TTC28: variants seen among roughly 807,000 people sequenced by gnomAD.
The protein encoded by TTC28 is tetratricopeptide repeat domain 28.
Under a neutral mutation model 198.0 loss-of-function variants are expected in TTC28, and 61 were observed. That is an observed-to-expected ratio of 0.31 (90% CI 0.25 to 0.38). The LOEUF (loss-of-function observed/expected upper bound fraction) is 0.38. Ranked by LOEUF, TTC28 falls within the 10% of genes least tolerant of loss-of-function variation. The pLI is 1.00. For missense variants in TTC28, 2,678 were observed against 3,164.0 expected (o/e 0.85, Z 3.69); for synonymous variants, 1,171 against 1,297.8 (o/e 0.90, Z 2.10).
intron 5 of TTC28, among the ~76,000 whole-genome samples, chr22:28,281,372 A>G (rs974820215): frequency 3.3e-5 from 5 of 150,082 alleles, no homozygotes; most frequent in African/African-American, 1.2e-4. Flanking sequence ...TGTCATCTCT[A>G]ATGTTTTATT....
intron 2 of TTC28, among the ~76,000 whole-genome samples, chr22:28,432,822 G>T (rs1426383998): frequency 2.0e-5 from 3 of 152,100 alleles, no homozygotes; most frequent in Non-Finnish European, 4.4e-5. Flanking sequence ...GTAACCTAAA[G>T]CTAATCCTCC....
At chr22:28,297,135 G>C (rs1171487601) in intron 4 of TTC28, among the ~76,000 whole-genome samples, 2 of 152,160 alleles carry the variant, frequency 1.3e-5, no homozygotes, top group Non-Finnish European at 2.9e-5. Flanking sequence ...CTGGCACCTT[G>C]TTATATGAGA....
intron 12 of TTC28, among the ~76,000 whole-genome samples, chr22:28,064,740 A>G (rs1940686778): frequency 6.6e-6 from 1 of 152,172 alleles, no homozygotes; most frequent in South Asian, 2.1e-4. Flanking sequence ...ATTGCCAAAC[A>G]CTATTGCTGC....
chr22:28,595,473 T>G (rs1601604771), intron 2 of TTC28, among the ~76,000 whole-genome samples: 1 of 152,196 alleles, frequency 6.6e-6, no homozygotes, highest in East Asian at 1.9e-4. Context: ...TATTCCTTTA[T>G]TATAAAACCT....
At chr22:28,417,987 C>T (rs1396386107) in intron 2 of TTC28, among the ~76,000 whole-genome samples, 3 of 152,172 alleles carry the variant, frequency 2.0e-5, no homozygotes, top group East Asian at 3.8e-4. Flanking sequence ...AGATCTTTTA[C>T]CTTTTGTCTG....
intron 2 of TTC28, among the ~76,000 whole-genome samples, chr22:28,595,155 G>A (rs887753477): frequency 6.6e-6 from 1 of 152,144 alleles, no homozygotes; most frequent in African/African-American, 2.4e-5. Flanking sequence ...TTGTTAATAT[G>A]ATTGAGGACA....
intron 2 of TTC28, among the ~76,000 whole-genome samples, chr22:28,392,917 C>A (rs2046756532): frequency 7.4e-6 from 1 of 135,014 alleles, no homozygotes; most frequent in Non-Finnish European, 1.5e-5. Flanking sequence ...GCTCTGTCAC[C>A]CAGGCTAGAG....
chr22:28,407,825 C>A (rs1479625590), intron 2 of TTC28, among the ~76,000 whole-genome samples: 1 of 152,302 alleles, frequency 6.6e-6, no homozygotes, highest in East Asian at 1.9e-4. Flanking sequence ...TCTATTGGAA[C>A]ATAATGATCA....
intron 13 of TTC28, among the ~76,000 whole-genome samples, chr22:28,018,286 T>TGTGTGTGTGC (rs1555903325): frequency 1.0e-5 from 1 of 97,312 alleles, no homozygotes; most frequent in African/African-American, 4.1e-5. Context: ...TGTATGTGTG[T>TGTGTGTGTGC]GCGCGCGTGT....
At chr22:28,477,526 A>C (rs565819034) in intron 2 of TTC28, among the ~76,000 whole-genome samples, 1 of 152,352 alleles carries the variant, frequency 6.6e-6, no homozygotes, top group South Asian at 2.1e-4. Flanking sequence ...AAAAGACATG[A>C]GGGCGGAATC....
At chr22:28,323,746 T>G (rs1294407905) in intron 2 of TTC28, among the ~76,000 whole-genome samples, 1 of 152,046 alleles carries the variant, frequency 6.6e-6, no homozygotes, top group African/African-American at 2.4e-5. Flanking sequence ...GAGAAAGATA[T>G]CAATATTCAA....
chr22:28,143,481 C>A (rs1943388610), intron 6 of TTC28, among the ~76,000 whole-genome samples: 1 of 152,164 alleles, frequency 6.6e-6, no homozygotes, highest in Non-Finnish European at 1.5e-5. Flanking sequence ...TTGGAGAGCA[C>A]TGGTGTATCT....
intron 2 of TTC28, among the ~76,000 whole-genome samples, chr22:28,626,441 C>A (rs958489081): frequency 1.3e-5 from 2 of 151,752 alleles, no homozygotes; most frequent in Non-Finnish European, 2.9e-5. Flanking sequence ...CAGATAAAGA[C>A]TTTAGAAAAG....
chr22:28,419,247 A>G (rs2047212944), intron 2 of TTC28, among the ~76,000 whole-genome samples: 3 of 152,158 alleles, frequency 2.0e-5, no homozygotes, highest in Admixed American at 2.0e-4. Flanking sequence ...TCCATTTTTC[A>G]TGACAAATTA....
intron 2 of TTC28, among the ~76,000 whole-genome samples, chr22:28,327,240 C>T (rs6005759): frequency 6.4e-4 from 97 of 152,114 alleles, no homozygotes; most frequent in African/African-American, 2.1e-3. Flanking sequence ...ATTCTGTATC[C>T]GTACATTCAC....
chr22:28,215,120 C>T (rs900128476), intron 5 of TTC28, among the ~76,000 whole-genome samples: 2 of 151,270 alleles, frequency 1.3e-5, no homozygotes, highest in Non-Finnish European at 2.9e-5. Context: ...CATCACACAC[C>T]GGGGCCTGTG....
intron 2 of TTC28, among the ~76,000 whole-genome samples, chr22:28,533,634 G>A (rs1481224414): frequency 1.3e-5 from 2 of 152,180 alleles, no homozygotes; most frequent in African/African-American, 4.8e-5. Context: ...AAAGCTGGAG[G>A]CATCAAGCTA....
chr22:28,077,066 T>C (rs1467673368), intron 12 of TTC28, among the ~76,000 whole-genome samples: 7 of 152,366 alleles, frequency 4.6e-5, no homozygotes, highest in African/African-American at 1.7e-4. Flanking sequence ...AGTTCTATTA[T>C]GTAGCCACTA....
chr22:28,307,977 T>A (rs986904923), intron 2 of TTC28, among the ~76,000 whole-genome samples: 4 of 152,166 alleles, frequency 2.6e-5, no homozygotes, highest in African/African-American at 9.6e-5. Context: ...TATTTACTTA[T>A]CTTACTTTTA....
Sources: gnomAD v4.1 joint callset for allele counts (sites outside exome capture counted in the v4.1 genomes callset) on GRCh38, gnomAD v4.1.1 for gene constraint, MANE v1.5 for transcripts, NCBI Gene and HGNC (gene_info 2026-07-23, HGNC 2026-07-21) for gene names.